Variants in ASB14 observed in about 807,000 individuals in gnomAD.
ASB14 encodes the protein ankyrin repeat and SOCS box containing 14.
Under a neutral mutation model 55.6 loss-of-function variants are expected in ASB14, and 63 were observed. The observed-to-expected ratio is 1.13, with a 90% CI of 0.92 to 1.40. The LOEUF (loss-of-function observed/expected upper bound fraction) is 1.40, where lower values mean the gene tolerates loss of function less well. ASB14 is among the 40% of genes most tolerant of loss of function. The pLI, the probability that ASB14 is intolerant of heterozygous loss-of-function variation, is 0.00. For synonymous variants in ASB14, 256 were observed against 259.9 expected (o/e 0.98, Z 0.15); for missense variants, 724 against 710.4 (o/e 1.02, Z -0.22).
chr3:57,289,684 ATTCTTT>A (rs1300581495), intron 2 of ASB14, among the ~76,000 whole-genome samples: 1 of 106,160 alleles, frequency 9.4e-6, no homozygotes, highest in African/African-American at 3.3e-5. Flanking sequence ...GTCACCTTCC[ATTCTTT>A]TTTTTTTTTT....
intron 10 of ASB14, chr3:57,273,087 A>ATTATACTTT (rs1201574392): frequency 6.6e-6 from 1 of 152,618 alleles, no homozygotes; most frequent in African/African-American, 2.4e-5. Flanking sequence ...CTGGAACTAT[A>ATTATACTTT]TTATACTTTT....
intron 10 of ASB14, chr3:57,272,816 T>A (rs918102512): frequency 6.6e-6 from 1 of 152,074 alleles, no homozygotes; most frequent in Non-Finnish European, 1.5e-5. Flanking sequence ...AGCCAGGATG[T>A]TCTCGATCTC....
chr3:57,285,986 G>T (rs1349977156), intron 5 of ASB14, among the ~76,000 whole-genome samples: 1 of 152,180 alleles, frequency 6.6e-6, no homozygotes, highest in Non-Finnish European at 1.5e-5. Context: ...TAGGGAACAA[G>T]AAAGTTTTTG....
intron 8 of ASB14, among the ~76,000 whole-genome samples, 181 bp downstream of exon 8, chr3:57,278,195 TG>T (rs2061006290): frequency 6.6e-6 from 1 of 152,254 alleles, no homozygotes; most frequent in Non-Finnish European, 1.5e-5. Context: ...GTACTGTTTT[TG>T]TTCCTGTTGT....
chr3:57,268,647 G>A lies in ASB14; in HGVS notation c.*994C>T, dbSNP rs2060912051. 1 of 693,554 alleles carries A rather than the reference G, an allele frequency of 1.4e-6. No homozygotes were observed. The highest frequency in any genetic ancestry group is 2.1e-6 in the Non-Finnish European group (1 of 471,696). 43.0% of individuals were successfully genotyped at this position (693,554 alleles called of 1,614,324 possible). On this transcript the variant is annotated 3_prime_UTR_variant, in exon 11 of 11. Coordinates refer to ENST00000487349, the MANE Select transcript of ASB14 (RefSeq NM_001142733.3). ...ACCATAGCAGAAAAGGGTCACATCTGTTTTTTGATATGATGTTTACATTAT... is the reference window on the plus strand; with the variant it reads ...ACCATAGCAGAAAAGGGTCACATCTATTTTTTGATATGATGTTTACATTAT...
At chr3:57,270,894 T>TG (rs1339291959) in intron 10 of ASB14, 1 of 152,202 alleles carries the variant, frequency 6.6e-6, no homozygotes, top group Non-Finnish European at 1.5e-5. Context: ...GGATTTAACC[T>TG]GGTGCCAAGG....
chr3:57,281,399 T>C (rs2061039307), intron 6 of ASB14, among the ~76,000 whole-genome samples: 1 of 151,682 alleles, frequency 6.6e-6, no homozygotes. Flanking sequence ...AGAGTTTGGG[T>C]CAGTTGTGGA....
intron 5 of ASB14, among the ~76,000 whole-genome samples, chr3:57,286,113 A>G (rs1460049077): frequency 2.6e-5 from 4 of 152,198 alleles, no homozygotes; most frequent in African/African-American, 4.8e-5. Context: ...CTGTAAAACT[A>G]TTATTCACCA....
At chr3:57,289,320 T>G (rs2061109952) in intron 2 of ASB14, among the ~76,000 whole-genome samples, 197 bp from the exon 3 acceptor site, 1 of 152,158 alleles carries the variant, frequency 6.6e-6, no homozygotes, top group Non-Finnish European at 1.5e-5. Flanking sequence ...CTAGGGAAGC[T>G]CCCTAACTCT....
Position 57,268,579 on chromosome 3 carries a change from G to A in ASB14, c.*1062C>T, listed in dbSNP as rs1256349480. The A allele has an allele frequency of 1.1e-5, 15 of 1,398,938 alleles. No individual in the cohort carries two copies. The highest frequency in any genetic ancestry group is 1.2e-5 in the Non-Finnish European group (13 of 1,061,264). The allele number at this position is 1,398,938 out of a possible 1,614,324, so 86.7% of individuals were successfully genotyped here. A position where few individuals can be genotyped will look rare whatever the true frequency, so the allele number is the denominator to read the frequency against. On this transcript the variant is annotated 3_prime_UTR_variant, in exon 11 of 11. Coordinates refer to ENST00000487349, the MANE Select transcript of ASB14 (RefSeq NM_001142733.3). ...TCAGATTTGAATTTCCAAATGAAGG[G>A]CTGTTTCTGCTTGTTCAGCCACTTC... is the stretch of plus-strand genomic sequence containing the variant.
chr3:57,281,548 A>G, intron 6 of ASB14, among the ~76,000 whole-genome samples: 1 of 152,220 alleles, frequency 6.6e-6, no homozygotes. Context: ...ATCAGGGTCC[A>G]GTGGCTGCCC....
In ASB14 at chr3:57,268,402, G is replaced by T. The variant is rs138693457; in HGVS notation, c.*1239C>A. On this transcript the variant is annotated 3_prime_UTR_variant, in exon 11 of 11. Transcript: ENST00000487349. ...TTTTATTCATCTGTTCTTTAGGATC[G>T]TAGGGCATCAGAAAAACAAAAAGAA... 1.3e-6 allele frequency: 2 copies of T among 1,570,960 alleles called. No homozygotes were observed. Among genetic ancestry groups the T allele is most frequent in the Admixed American group, 1.7e-5 (1 of 57,172 alleles).
chr3:57,268,564 AT>A lies in ASB14; in HGVS notation c.*1076del. On this transcript the variant is annotated 3_prime_UTR_variant, in exon 11 of 11. Transcript: ENST00000487349. The stretch of plus-strand genomic sequence containing the variant: ...TCAGCACTATGACTTTCAGATTTGA[AT>A]TTCCAAATGAAGGGCTGTTTCTGCT... The A allele has an allele frequency of 6.9e-7, 1 of 1,456,204 alleles. No individual in the cohort carries two copies. Among genetic ancestry groups the A allele is most frequent in the Non-Finnish European group, 9.1e-7 (1 of 1,101,998 alleles). The allele number at this position is 1,456,204 out of a possible 1,614,324, so 90.2% of individuals were successfully genotyped here. A position where few individuals can be genotyped will look rare whatever the true frequency, so the allele number is the denominator to read the frequency against.
intron 6 of ASB14, among the ~76,000 whole-genome samples, chr3:57,282,927 A>G (rs367878666): frequency 2.0e-5 from 3 of 152,310 alleles, no homozygotes; most frequent in East Asian, 3.9e-4. Context: ...AAAAGGTTAA[A>G]AAACCATCAT....
intron 5 of ASB14, among the ~76,000 whole-genome samples, chr3:57,285,444 T>C (rs1346309549): frequency 2.0e-5 from 3 of 152,150 alleles, no homozygotes; most frequent in African/African-American, 7.2e-5. Flanking sequence ...TATAATTTAA[T>C]GACTTCTTAC....
Position 57,268,750 on chromosome 3 carries a change from A to G in ASB14, c.*891T>C. On this transcript the variant is annotated 3_prime_UTR_variant, in exon 11 of 11. Transcript: ENST00000487349. The stretch of plus-strand genomic sequence containing the variant: ...ATTTCAGAGGAGGTTGTCTCTGTCA[A>G]AGCAGTTGAGAGGCTGTGTAGACTT... 1.4e-5 allele frequency: 3 copies of G among 218,738 alleles called. No homozygotes were observed. Among genetic ancestry groups the G allele is most frequent in the Admixed American group, 1.1e-4 (2 of 17,426 alleles). 13.5% of individuals were successfully genotyped at this position (218,738 alleles called of 1,614,324 possible).
At chr3:57,292,216 TA>T (rs906378575) in intron 1 of ASB14, 112 bp from the exon 2 acceptor site, 2 of 786,200 alleles carry the variant, frequency 2.5e-6, no homozygotes, top group African/African-American at 3.6e-5. Flanking sequence ...TCTATAAACT[TA>T]AAAAAGTTTT....
At position 57,280,286 on chromosome 3, in the gene ASB14, T is replaced by C. The variant is rs1324356435; in HGVS notation, c.887+16A>G. 2 of 1,508,546 alleles carry C rather than the reference T, an allele frequency of 1.3e-6. No individual in the cohort carries two copies. Among genetic ancestry groups the C allele is most frequent in the African/African-American group, 1.4e-5 (1 of 71,702 alleles). 93.4% of individuals were successfully genotyped at this position (1,508,546 alleles called of 1,614,324 possible). A position where few individuals can be genotyped will look rare whatever the true frequency, so the allele number is the denominator to read the frequency against. Reference sequence around the variant, plus strand: ...TTACTGTTTTTATTATTTATAATAATGTAATTGAACTTAACAGTAAGTGGC... The same window carrying C: ...TTACTGTTTTTATTATTTATAATAACGTAATTGAACTTAACAGTAAGTGGC... On this transcript the variant is annotated intron_variant, in intron 7 of 10. Transcript: ENST00000487349.
At chr3:57,288,955 C>T (rs1004781154) in intron 3 of ASB14, 113 bp downstream of exon 3, 17 of 745,144 alleles carry the variant, frequency 2.3e-5, no homozygotes, top group Admixed American at 8.2e-5. Flanking sequence ...TGACCTCAGG[C>T]GATCCACCCA....
Sources: allele counts gnomAD v4.1 joint callset (sites outside exome capture counted in the v4.1 genomes callset), GRCh38; gene constraint gnomAD v4.1.1; transcripts MANE v1.5; gene names NCBI Gene and HGNC (gene_info 2026-07-23, HGNC 2026-07-21).